Variants in SEMA4A observed in about 807,000 individuals in gnomAD.
The protein encoded by SEMA4A is semaphorin 4A, also known as semaphorin-4A.
In SEMA4A, 52 loss-of-function variants were observed where a neutral mutation model predicts 72.5. That is an observed-to-expected ratio of 0.72 (90% CI 0.57 to 0.90). The LOEUF is 0.90. Ranked by LOEUF, SEMA4A falls within the 40% of genes least tolerant of loss-of-function variation. The pLI is 0.00. For missense variants in SEMA4A, 926 were observed against 959.7 expected (o/e 0.96, Z 0.46); for synonymous variants, 369 against 393.1 (o/e 0.94, Z 0.73).
In SEMA4A at chr1:156,161,449, G is replaced by C. The variant is rs776179398; in HGVS notation, c.914G>C (p.Arg305Pro). Residue 305 changes from arginine (R) to proline (P), a missense_variant, in exon 9 of 15, where the codon CGC becomes CCC. Coordinates refer to ENST00000368285, the MANE Select transcript of SEMA4A (RefSeq NM_022367.4). Reference sequence around the variant, plus strand: ...GGGCAGCTGCCCTTCAACGTCATCCGCCACGCGGTCCTGCTCCCCGCCGAT... The same window carrying C: ...GGGCAGCTGCCCTTCAACGTCATCCCCCACGCGGTCCTGCTCCCCGCCGAT... ...QPGQLPFNVI[R>P]HAVLLPADSP... 1 of 1,613,886 alleles carries C rather than the reference G, an allele frequency of 6.2e-7. No homozygotes were observed. Among genetic ancestry groups the C allele is most frequent in the South Asian group, 1.1e-5 (1 of 91,014 alleles).
intron 10 of SEMA4A, among the ~76,000 whole-genome samples, chr1:156,168,365 G>A (rs1654381213): frequency 6.6e-6 from 1 of 151,910 alleles, no homozygotes; most frequent in Non-Finnish European, 1.5e-5. Context: ...GGGATTATAG[G>A]CGCCCACCAC....
intron 3 of SEMA4A, 99 bp downstream of exon 3, chr1:156,156,673 T>TTACAGATAACAGCAAC: frequency 8.8e-7 from 1 of 1,132,158 alleles, no homozygotes; most frequent in Non-Finnish European, 1.3e-6. Flanking sequence ...TTAGTTGCTG[T>TTACAGATAACAGCAAC]TATCTGTAAT....
intron 1 of SEMA4A, 195 bp from the exon 2 acceptor site, chr1:156,154,355 C>T (rs1352427378): frequency 1.7e-6 from 1 of 598,018 alleles, no homozygotes; most frequent in Non-Finnish European, 3.0e-6. Context: ...AGTGAGGTGA[C>T]AGGCTGAGGC....
chr1:156,175,921 C>A (rs761939287), intron 14 of SEMA4A, among the ~76,000 whole-genome samples: 5 of 151,936 alleles, frequency 3.3e-5, no homozygotes, highest in Admixed American at 1.3e-4. Context: ...AGTTTGGGGT[C>A]CAGACTGGAG....
In SEMA4A at chr1:156,174,921, T is replaced by C; in HGVS notation, c.1415T>C (p.Leu472Pro). The C allele has an allele frequency of 6.2e-7, 1 of 1,614,214 alleles. No individual in the cohort carries two copies. ...CCTGACCCTGAACCTGTTCGCAACCTGCAGCTGGCCCCCACCCAGGTGGGA... is the reference window on the plus strand; with the variant it reads ...CCTGACCCTGAACCTGTTCGCAACCCGCAGCTGGCCCCCACCCAGGTGGGA... The part of the protein sequence containing the change: ...LFPDPEPVRN[L>P]QLAPTQGAVF... The change falls in exon 12 of 15, where the codon CTG (leucine) becomes CCG (proline). Residue 472 changes from leucine (L) to proline (P), a missense_variant. Transcript: ENST00000368285.
upstream of SEMA4A, among the ~76,000 whole-genome samples, chr1:156,149,405 C>T (rs57384087): frequency 3.7e-3 from 564 of 152,258 alleles, 3 homozygotes; most frequent in African/African-American, 0.013. Flanking sequence ...CCACAGAAGG[C>T]TTCTGGGGGA....
chr1:156,159,009 G>T, intron 6 of SEMA4A, 185 bp downstream of exon 6: 1 of 592,726 alleles, frequency 1.7e-6, no homozygotes, highest in African/African-American at 1.9e-5. Context: ...AGTCTAGCCT[G>T]GGCAACACAG....
intron 14 of SEMA4A, 93 bp from the exon 15 acceptor site, chr1:156,176,311 AG>A (rs1482706204): frequency 1.6e-5 from 15 of 958,278 alleles, no homozygotes; most frequent in South Asian, 4.6e-5. Flanking sequence ...AAAAAAAAAA[AG>A]AGGGCTGGGG....
chr1:156,176,848 C>T lies in SEMA4A; in HGVS notation c.2137C>T (p.Arg713Trp), dbSNP rs762402192. 1.3e-5 allele frequency: 21 copies of T among 1,614,106 alleles called. No homozygotes were observed. Among genetic ancestry groups the T allele is most frequent in the Middle Eastern group, 1.6e-4 (1 of 6,084 alleles). ...CTCCCCATTGAGAGCACTCCGGGCT[C>T]GGGGCAAGGTTCAGGGCTGTGAGAC... ...VASPLRALRA[R>W]GKVQGCETLR... The change falls in exon 15 of 15, where the codon CGG becomes TGG. Residue 713 changes from arginine to tryptophan, a missense_variant. Coordinates refer to ENST00000368285, the MANE Select transcript of SEMA4A (RefSeq NM_022367.4).
intron 10 of SEMA4A, among the ~76,000 whole-genome samples, chr1:156,167,117 A>G (rs1654239221): frequency 6.6e-6 from 1 of 151,732 alleles, no homozygotes; most frequent in Non-Finnish European, 1.5e-5. Flanking sequence ...GGTTCAAGCA[A>G]TCCTCCCACC....
chr1:156,148,555 C>T (rs779341716), upstream of SEMA4A, among the ~76,000 whole-genome samples: 3 of 152,226 alleles, frequency 2.0e-5, no homozygotes, highest in Admixed American at 1.3e-4. Flanking sequence ...GACACCAGCA[C>T]ACTCATTTCC....
At chr1:156,150,493 T>C (rs1030344958), upstream of SEMA4A, among the ~76,000 whole-genome samples, 1 of 151,858 alleles carries the variant, frequency 6.6e-6, no homozygotes, top group Non-Finnish European at 1.5e-5. Context: ...CAGGAGGCAA[T>C]GTTCCCCAGA....
chr1:156,173,771 G>T (rs1312976086), intron 11 of SEMA4A, among the ~76,000 whole-genome samples: 1 of 152,228 alleles, frequency 6.6e-6, no homozygotes, highest in South Asian at 2.1e-4. Context: ...TGGGAGTGAG[G>T]GGGCAGGAAA....
In SEMA4A at chr1:156,177,294, T is replaced by G; in HGVS notation, c.*297T>G. 5 of 485,550 alleles carry G rather than the reference T, an allele frequency of 1.0e-5. No homozygotes were observed. Among genetic ancestry groups the G allele is most frequent in the East Asian group, 3.8e-5 (1 of 26,026 alleles). The allele number at this position is 485,550 out of a possible 1,614,324, so 30.1% of individuals were successfully genotyped here. ...GGAGAGGATCCTTCAGTTCTGGCCA[T>G]TCCAGGGACCCTCCAGAAACACAGT... On this transcript the variant is annotated 3_prime_UTR_variant, in exon 15 of 15. Transcript: ENST00000368285.
intron 12 of SEMA4A, 56 bp from the exon 13 acceptor site, chr1:156,175,030 C>T (rs1390032084): frequency 5.6e-6 from 9 of 1,614,034 alleles, no homozygotes; most frequent in Non-Finnish European, 7.6e-6. Context: ...CACCAGCGTG[C>T]TGGGACTTTA....
At chr1:156,164,552 C>A (rs938519833) in intron 10 of SEMA4A, among the ~76,000 whole-genome samples, 1 of 152,152 alleles carries the variant, frequency 6.6e-6, no homozygotes, top group South Asian at 2.1e-4. Flanking sequence ...TGCAAATCGG[C>A]TTTCTAACCC....
In SEMA4A at chr1:156,160,556, CA is replaced by C; in HGVS notation, c.683del (p.His228LeufsTer60). 6.2e-7 allele frequency: 1 copy of C among 1,613,608 alleles called. No homozygotes were observed. The highest frequency in any genetic ancestry group is 8.5e-7 in the Non-Finnish European group (1 of 1,179,498). On this transcript the variant is annotated frameshift_variant and splice_region_variant, in exon 7 of 15. Coordinates refer to ENST00000368285, the MANE Select transcript of SEMA4A (RefSeq NM_022367.4). LOFTEE classifies it high-confidence loss of function. ...LKTDNFLRWL[H>X]HDASFVAAIP... The stretch of plus-strand genomic sequence containing the variant: ...GACCGACAACTTCCTCCGCTGGCTG[CA>C]TCGTAAGGACCTGACCCCCGCTGGC...
At chr1:156,168,522 CCT>C (rs1243588115) in intron 10 of SEMA4A, among the ~76,000 whole-genome samples, 2 of 152,122 alleles carry the variant, frequency 1.3e-5, no homozygotes, top group Admixed American at 1.3e-4. Flanking sequence ...CCATGCCTGG[CCT>C]CTCAGGTTTT....
chr1:156,160,762 C>A (rs944914554), intron 7 of SEMA4A, 143 bp from the exon 8 acceptor site: 33 of 1,250,396 alleles, frequency 2.6e-5, no homozygotes, highest in Non-Finnish European at 3.6e-5. Context: ...ATCCCCACCC[C>A]ACATCGCTAC....
Sources: allele counts gnomAD v4.1 joint callset (sites outside exome capture counted in the v4.1 genomes callset), GRCh38; gene constraint gnomAD v4.1.1; transcripts MANE v1.5; gene names NCBI Gene and HGNC (gene_info 2026-07-23, HGNC 2026-07-21).